Variants in NPAS2 observed in about 807,000 individuals in gnomAD.
NPAS2 encodes the protein neuronal PAS domain protein 2.
NPAS2 carries 23 observed loss-of-function variants against 107.5 expected under a neutral mutation model. The ratio of observed to expected loss-of-function variants is 0.21; its 90% CI spans 0.15 to 0.30. The LOEUF (loss-of-function observed/expected upper bound fraction) is 0.30. Among genes scored for constraint, NPAS2 ranks in the 10% least tolerant of loss-of-function variants. The pLI, the probability that NPAS2 is intolerant of heterozygous loss-of-function variation, is 1.00. For synonymous variants in NPAS2, 403 were observed against 417.5 expected (o/e 0.97, Z 0.42); for missense variants, 756 against 1,043.3 (o/e 0.72, Z 3.79).
At chr2:100,936,350 A>G (rs902446187) in intron 4 of NPAS2, among the ~76,000 whole-genome samples, 15 of 152,236 alleles carry the variant, frequency 9.9e-5, no homozygotes, top group African/African-American at 3.1e-4. Flanking sequence ...ACATGTTTCC[A>G]GAGCTTTCTA....
chr2:100,985,240 TTCCA>T (rs1363461928), intron 16 of NPAS2: 1 of 151,556 alleles, frequency 6.6e-6, no homozygotes, highest in Non-Finnish European at 1.5e-5. Flanking sequence ...CTGTCCATCC[TTCCA>T]TCCGTCCTTC....
chr2:100,959,471 C>T (rs771709407), intron 7 of NPAS2, among the ~76,000 whole-genome samples: 1 of 152,154 alleles, frequency 6.6e-6, no homozygotes, highest in Non-Finnish European at 1.5e-5. Flanking sequence ...AACCCAGCCA[C>T]CTGGCTATTC....
At chr2:100,873,908 C>T (rs1223941468) in intron 1 of NPAS2, among the ~76,000 whole-genome samples, 1 of 150,462 alleles carries the variant, frequency 6.6e-6, no homozygotes, top group African/African-American at 2.5e-5. Context: ...TTTTGGTCAA[C>T]CTGAAAAATA....
intron 1 of NPAS2, among the ~76,000 whole-genome samples, chr2:100,838,736 G>C (rs1002275140): frequency 2.6e-5 from 4 of 152,136 alleles, no homozygotes; most frequent in African/African-American, 7.2e-5. Flanking sequence ...CTTCTCAAAG[G>C]GGTGTTCATA....
intron 1 of NPAS2, among the ~76,000 whole-genome samples, chr2:100,835,124 T>C (rs962538270): frequency 6.6e-6 from 1 of 152,076 alleles, no homozygotes; most frequent in Non-Finnish European, 1.5e-5. Flanking sequence ...CAGACACGAG[T>C]TTGCTCATTT....
intron 1 of NPAS2, among the ~76,000 whole-genome samples, chr2:100,835,446 C>T (rs1676997725): frequency 6.6e-6 from 1 of 152,150 alleles, no homozygotes; most frequent in Non-Finnish European, 1.5e-5. Flanking sequence ...TAGGAAACCA[C>T]TCCAGTTTGG....
chr2:100,844,173 G>T (rs1677626171), intron 1 of NPAS2, among the ~76,000 whole-genome samples: 1 of 152,138 alleles, frequency 6.6e-6, no homozygotes, highest in South Asian at 2.1e-4. Flanking sequence ...CCCATAGTTA[G>T]TGAAGTGATT....
chr2:100,955,826 C>T (rs1237257913), intron 7 of NPAS2, among the ~76,000 whole-genome samples: 2 of 152,122 alleles, frequency 1.3e-5, no homozygotes, highest in African/African-American at 4.8e-5. Flanking sequence ...GCCCCCTTAC[C>T]TGATGTCCCT....
At chr2:100,876,749 G>A (rs1215541167) in intron 1 of NPAS2, among the ~76,000 whole-genome samples, 3 of 152,052 alleles carry the variant, frequency 2.0e-5, no homozygotes, top group Non-Finnish European at 2.9e-5. Context: ...TGGGCATCTC[G>A]CCTGTCTGGA....
intron 7 of NPAS2, 35 bp from the exon 8 acceptor site, chr2:100,964,023 C>A (rs1236681795): frequency 7.1e-7 from 1 of 1,410,958 alleles, no homozygotes; most frequent in Non-Finnish European, 1.0e-6. Flanking sequence ...CCAGACAGGG[C>A]TAACCTATGT....
intron 14 of NPAS2, 32 bp from the exon 15 acceptor site, chr2:100,977,678 C>G: frequency 6.3e-7 from 1 of 1,577,596 alleles, no homozygotes. Context: ...ATGGCAGAAG[C>G]AGTGGTAACA....
rs1200009299 is a variant in NPAS2 at position 100,965,028 on chromosome 2, C to G, written c.800+85C>G. ...CAGGCTCTCCTTGGGAGAGAAGAGT[C>G]GGCCCTGGTCCATTGAAAGAGGAGG... On this transcript the variant is annotated intron_variant, in intron 9 of 20. Transcript: ENST00000335681. The surrounding 1 kb of genome is among the most constrained non-coding windows in gnomAD (Gnocchi z 4.3). 1.1e-6 allele frequency: 1 copy of G among 872,094 alleles called. No individual in the cohort carries two copies. The highest frequency in any genetic ancestry group is 1.7e-6 in the Non-Finnish European group (1 of 572,690). 54.0% of individuals were successfully genotyped at this position (872,094 alleles called of 1,614,324 possible).
At chr2:100,835,151 C>T (rs1362162469) in intron 1 of NPAS2, among the ~76,000 whole-genome samples, 1 of 152,158 alleles carries the variant, frequency 6.6e-6, no homozygotes, top group African/African-American at 2.4e-5. Flanking sequence ...ACAGCAGTCA[C>T]TTGGAGGGAA....
intron 1 of NPAS2, among the ~76,000 whole-genome samples, chr2:100,877,468 GAAAT>G (rs1680052041): frequency 3.0e-5 from 3 of 99,132 alleles, no homozygotes; most frequent in African/African-American, 6.6e-5. Flanking sequence ...AAAAAAAAAA[GAAAT>G]GGTTGAAATA....
chr2:100,931,072 C>A (rs1683916520), intron 3 of NPAS2, among the ~76,000 whole-genome samples: 1 of 152,226 alleles, frequency 6.6e-6, no homozygotes, highest in African/African-American at 2.4e-5. Flanking sequence ...CCTCAGCCAG[C>A]ACCACAGAAT....
intron 2 of NPAS2, among the ~76,000 whole-genome samples, chr2:100,923,065 TA>T (rs1683338226): frequency 1.3e-5 from 2 of 152,218 alleles, no homozygotes; most frequent in African/African-American, 4.8e-5. Context: ...CTCTGAAAGT[TA>T]AAGGATTCCT....
intron 1 of NPAS2, among the ~76,000 whole-genome samples, chr2:100,835,773 T>A (rs1232867575): frequency 6.6e-6 from 1 of 152,068 alleles, no homozygotes; most frequent in African/African-American, 2.4e-5. Context: ...GGTCTCATCA[T>A]CCCGGGCCTG....
Position 100,963,266 on chromosome 2 carries a change from C to T in NPAS2, c.599-792C>T, listed in dbSNP as rs116006890. Among the ~76,000 whole-genome samples, 1,145 of 152,286 alleles carry T rather than the reference C, an allele frequency of 7.5e-3. 11 individuals are homozygous for T. The highest frequency in any genetic ancestry group is 0.025 in the African/African-American group (1,026 of 41,562). On this transcript the variant is annotated intron_variant, in intron 7 of 20. Transcript: ENST00000335681. ...GCAGGGAAGGGGGTGTCAATGATGCCGAGACACCCCTACTTTCCCTGGGAC... is the reference window on the plus strand; with the variant it reads ...GCAGGGAAGGGGGTGTCAATGATGCTGAGACACCCCTACTTTCCCTGGGAC...
At chr2:100,841,238 C>G (rs1677375238) in intron 1 of NPAS2, among the ~76,000 whole-genome samples, 2 of 152,250 alleles carry the variant, frequency 1.3e-5, no homozygotes, top group Middle Eastern at 6.8e-3. Flanking sequence ...AGTTCAAGAA[C>G]AGCCTGGCCA....
Sources: gnomAD v4.1 joint callset for allele counts (sites outside exome capture counted in the v4.1 genomes callset) on GRCh38, gnomAD v4.1.1 for gene constraint, Gnocchi (gnomAD v3.1) non-coding constraint, MANE v1.5 for transcripts, NCBI Gene and HGNC (gene_info 2026-07-23, HGNC 2026-07-21) for gene names.